Variants in FHIP2A observed in about 807,000 individuals in gnomAD.
The protein encoded by FHIP2A is FHF complex subunit HOOK interacting protein 2A.
Under a neutral mutation model 93.5 loss-of-function variants are expected in FHIP2A, and 46 were observed. That is an observed-to-expected ratio of 0.49 (90% CI 0.39 to 0.63). The LOEUF is 0.63. Ranked by LOEUF, FHIP2A falls within the 20% of genes least tolerant of loss-of-function variation. The pLI is 0.00. For missense variants in FHIP2A, 769 were observed against 909.7 expected, an observed-to-expected ratio of 0.85 and a Z score of 1.99; for synonymous variants, 332 against 326.5, an observed-to-expected ratio of 1.02 and a Z score of -0.18.
chr10:114,855,104 A>T, intron 13 of FHIP2A, 93 bp from the exon 14 acceptor site: 1 of 1,353,850 alleles, frequency 7.4e-7, no homozygotes, highest in Non-Finnish European at 1.0e-6. Flanking sequence ...CTGCATTCAA[A>T]TGGTTTTTTA....
intron 1 of FHIP2A, among the ~76,000 whole-genome samples, chr10:114,825,415 C>T (rs983982411): frequency 6.6e-6 from 1 of 152,178 alleles, no homozygotes; most frequent in Non-Finnish European, 1.5e-5. Flanking sequence ...AATGGTTTCT[C>T]CTCACTCCCT....
At chr10:114,855,390 A>G (rs771317234) in intron 14 of FHIP2A, 50 bp downstream of exon 14, 10 of 1,482,566 alleles carry the variant, frequency 6.7e-6, no homozygotes, top group Admixed American at 1.8e-5. Context: ...GCCATTCACC[A>G]CAGAATCATC....
intron 3 of FHIP2A, among the ~76,000 whole-genome samples, chr10:114,834,613 C>T (rs545768774): frequency 4.5e-4 from 69 of 152,198 alleles, no homozygotes; most frequent in African/African-American, 1.5e-3. Context: ...AGGAAGTTAA[C>T]CTTGTTAATT....
At chr10:114,847,629 T>A (rs1223264533) in intron 12 of FHIP2A, among the ~76,000 whole-genome samples, 1 of 152,160 alleles carries the variant, frequency 6.6e-6, no homozygotes, top group Non-Finnish European at 1.5e-5. Flanking sequence ...AAAGATTATG[T>A]CAGTTTTTTG....
chr10:114,889,957 C>A (rs1226857747), intron 16 of FHIP2A, among the ~76,000 whole-genome samples: 1 of 152,222 alleles, frequency 6.6e-6, no homozygotes, highest in Non-Finnish European at 1.5e-5. Context: ...CCGGAGCCAA[C>A]CCCACAGTGA....
chr10:114,843,623 A>T, intron 6 of FHIP2A, 118 bp from the exon 7 acceptor site: 1 of 854,338 alleles, frequency 1.2e-6, no homozygotes, highest in Non-Finnish European at 1.7e-6. Context: ...CATTTAAAAT[A>T]GACAAAAATC....
intron 5 of FHIP2A, among the ~76,000 whole-genome samples, chr10:114,836,920 G>A (rs2083639533): frequency 6.6e-6 from 1 of 151,222 alleles, no homozygotes; most frequent in African/African-American, 2.4e-5. Flanking sequence ...TTACTTTTTT[G>A]AGGCAGGGTC....
chr10:114,853,687 T>TA (rs1216926652), intron 13 of FHIP2A, among the ~76,000 whole-genome samples: 2 of 152,216 alleles, frequency 1.3e-5, no homozygotes, highest in Non-Finnish European at 2.9e-5. Flanking sequence ...AGTGTTAATG[T>TA]AAAAATGATT....
In FHIP2A at chr10:114,833,285, G is replaced by A. The variant is rs1246414857; in HGVS notation, c.177G>A (p.Met59Ile). 5.0e-6 allele frequency: 8 copies of A among 1,613,472 alleles called. No individual in the cohort carries two copies. Among genetic ancestry groups the A allele is most frequent in the Admixed American group, 1.7e-5 (1 of 59,982 alleles). ...ATATTCCATCGCATCTGGAACAGAT[G>A]TTAGATATACTGGTTCAAGAAGAAA... ...DTNIPSHLEQ[M>I]LDILVQEENE... Residue 59 changes from methionine to isoleucine, a missense_variant, in exon 3 of 17, where the codon ATG becomes ATA. By Grantham distance (10) the Met-to-Ile change is conservative. Coordinates refer to ENST00000369248, the MANE Select transcript of FHIP2A (RefSeq NM_020940.4).
chr10:114,885,685 G>T (rs1220824327), intron 16 of FHIP2A, among the ~76,000 whole-genome samples: 1 of 152,190 alleles, frequency 6.6e-6, no homozygotes, highest in African/African-American at 2.4e-5. Context: ...CACCTAATCA[G>T]TCCAGTTTTA....
At chr10:114,825,277 C>G (rs966897264) in intron 1 of FHIP2A, among the ~76,000 whole-genome samples, 3 of 152,166 alleles carry the variant, frequency 2.0e-5, no homozygotes, top group African/African-American at 7.2e-5. Context: ...CCTCCCACCT[C>G]CATCTCCTAA....
chr10:114,873,855 CAT>C (rs916044466), intron 16 of FHIP2A, among the ~76,000 whole-genome samples: 29 of 152,040 alleles, frequency 1.9e-4, no homozygotes, highest in African/African-American at 6.8e-4. Context: ...CAGCTCATCT[CAT>C]ATGTTTCCTG....
chr10:114,880,680 A>AACACAC (rs71473073), intron 16 of FHIP2A, among the ~76,000 whole-genome samples: 3,235 of 144,074 alleles, frequency 0.022, 45 homozygotes, highest in East Asian at 0.049. Context: ...ACTCCATGTC[A>AACACAC]ACACACACAC....
rs776273869 is a variant in FHIP2A, at chr10:114,863,703, C to T, written c.*2163C>T. 170 of 1,300,884 alleles carry T rather than the reference C, an allele frequency of 1.3e-4. No homozygotes were observed. The highest frequency in any genetic ancestry group is 1.6e-4 in the Non-Finnish European group (155 of 987,952). The allele number at this position is 1,300,884 out of a possible 1,614,324, so 80.6% of individuals were successfully genotyped here. A position where few individuals can be genotyped will look rare whatever the true frequency, so the allele number is the denominator to read the frequency against. The stretch of plus-strand genomic sequence containing the variant: ...CAGTGAGTTCAATTTGTTAGTGAAA[C>T]ATTGTACTGCATCACCAGTTTTTCT... On this transcript the variant is annotated 3_prime_UTR_variant, in exon 17 of 17. Coordinates refer to ENST00000369248, the MANE Select transcript of FHIP2A (RefSeq NM_020940.4).
At position 114,843,066 on chromosome 10, in the gene FHIP2A, T is replaced by C. The variant is rs755660356; in HGVS notation, c.656T>C (p.Met219Thr). 8 of 1,614,018 alleles carry C rather than the reference T, an allele frequency of 5.0e-6. No homozygotes were observed. Among genetic ancestry groups the C allele is most frequent in the Non-Finnish European group, 6.8e-6 (8 of 1,180,008 alleles). The change falls in exon 6 of 17, where the codon ATG becomes ACG. Residue 219 changes from methionine to threonine, a missense_variant. By Grantham distance (81) the Met-to-Thr change is moderately conservative (BLOSUM62 -1). Transcript: ENST00000369248. ...QPEELSGATG[M>T]EQTELEDEPP... ...GAGGAACTATCTGGTGCTACTGGAA[T>C]GGAGCAAACAGAATTGGAAGATGAG...
chr10:114,836,068 A>C, intron 4 of FHIP2A, 56 bp from the exon 5 acceptor site: 3 of 1,374,270 alleles, frequency 2.2e-6, no homozygotes, highest in Non-Finnish European at 3.0e-6. Context: ...TGGTTATTTT[A>C]CAAATTTGTA....
intron 3 of FHIP2A, among the ~76,000 whole-genome samples, chr10:114,834,186 T>C (rs1340036102): frequency 2.6e-5 from 4 of 152,230 alleles, no homozygotes; most frequent in African/African-American, 9.6e-5. Flanking sequence ...GAGATATGAA[T>C]AGTAGCATGC....
At chr10:114,855,073 A>C in intron 13 of FHIP2A, 124 bp from the exon 14 acceptor site, 1 of 963,468 alleles carries the variant, frequency 1.0e-6, no homozygotes, top group Non-Finnish European at 1.5e-6. Flanking sequence ...CTCCCTTGGC[A>C]CCTGAAGCAT....
chr10:114,886,248 A>C (rs1432144354), intron 16 of FHIP2A, among the ~76,000 whole-genome samples: 1 of 152,220 alleles, frequency 6.6e-6, no homozygotes, highest in Non-Finnish European at 1.5e-5. Context: ...CTAAAACACC[A>C]AGAATTAAGT....
Sources: allele counts gnomAD v4.1 joint callset (sites outside exome capture counted in the v4.1 genomes callset), GRCh38; gene constraint gnomAD v4.1.1; transcripts MANE v1.5; gene names NCBI Gene and HGNC (gene_info 2026-07-23, HGNC 2026-07-21).